UNC13C: variants seen among roughly 807,000 people sequenced by gnomAD.
UNC13C encodes the protein protein unc-13 homolog C.
UNC13C carries 174 observed loss-of-function variants against 245.4 expected under a neutral mutation model. That is an observed-to-expected ratio of 0.71 (90% CI 0.63 to 0.80). The LOEUF is 0.80. Ranked by LOEUF, UNC13C falls within the 30% of genes least tolerant of loss-of-function variation. The pLI, the probability that UNC13C is intolerant of heterozygous loss-of-function variation, is 0.00. For synonymous variants in UNC13C, 992 were observed against 895.1 expected (o/e 1.11, Z -1.93); for missense variants, 2,829 against 2,602.9 (o/e 1.09, Z -1.89).
intron 4 of UNC13C, among the ~76,000 whole-genome samples, chr15:54,172,654 T>G (rs1301735099): frequency 7.1e-6 from 1 of 141,128 alleles, no homozygotes; most frequent in Non-Finnish European, 1.5e-5. Flanking sequence ...TAATTTATGA[T>G]GAAGTCAAAT....
chr15:53,897,284 T>C, the UNC13C span, among the ~76,000 whole-genome samples: 1 of 152,152 alleles, frequency 6.6e-6, no homozygotes, highest in African/African-American at 2.4e-5. Context: ...GAGTCCTCAA[T>C]GGGGTCCAAT....
At position 54,622,418 on chromosome 15, in the gene UNC13C, A is replaced by T. The variant is rs779404459; in HGVS notation, c.6198A>T (p.Lys2066Asn). The T allele has an allele frequency of 2.5e-6, 4 of 1,609,774 alleles. No homozygotes were observed. The South Asian group carries it at 3.3e-5, about 13-fold the overall frequency. ...PGTGDHKVTV[K>N]VIAINDLNWQ... ...CGGGAGATCATAAAGTCACTGTAAA[A>T]GGTATACTTCTGGTCTAGATAAATC... The change falls in exon 31 of 33, where the codon AAA becomes AAT. Residue 2066 changes from lysine to asparagine, a missense_variant and splice_region_variant. Coordinates refer to ENST00000260323, the MANE Select transcript of UNC13C (RefSeq NM_001080534.3).
At chr15:54,225,008 C>G (rs2035335210) in intron 4 of UNC13C, among the ~76,000 whole-genome samples, 2 of 147,596 alleles carry the variant, frequency 1.4e-5, no homozygotes, top group South Asian at 4.3e-4. Context: ...CTTTTCACCT[C>G]TGGTTTTACT....
intron 2 of UNC13C, among the ~76,000 whole-genome samples, chr15:54,064,218 T>C (rs927926807): frequency 6.6e-6 from 1 of 152,238 alleles, no homozygotes; most frequent in African/African-American, 2.4e-5. Flanking sequence ...GTCATATGGC[T>C]ACCTAGTGGC....
chr15:54,436,265 T>C (rs72736505), intron 19 of UNC13C, among the ~76,000 whole-genome samples: 2,179 of 151,998 alleles, frequency 0.014, 20 homozygotes, highest in Non-Finnish European at 0.023. Context: ...GATGGACAAG[T>C]ATTTCCTCTA....
At position 54,495,912 on chromosome 15, in the gene UNC13C, C is replaced by T. The variant is rs574505212; in HGVS notation, c.5060+1178C>T. 1.1e-4 allele frequency among the ~76,000 whole-genome samples: 17 copies of T among 151,822 alleles called. No individual in the cohort carries two copies. The South Asian group carries it at 2.9e-3, about 26-fold the overall frequency. The stretch of plus-strand genomic sequence containing the variant: ...GGACAGTGGGATAACTTAAAAATGC[C>T]GTACTATGGGGTATAGGGTGTTGGG... On this transcript the variant is annotated intron_variant, in intron 20 of 32. Transcript: ENST00000260323.
At chr15:54,346,538 T>G (rs1389037545) in intron 17 of UNC13C, among the ~76,000 whole-genome samples, 1 of 152,228 alleles carries the variant, frequency 6.6e-6, no homozygotes, top group Admixed American at 6.5e-5. Context: ...TATTTAAATG[T>G]GGAATCATAC....
chr15:54,440,886 TG>T (rs1890489861), intron 19 of UNC13C, among the ~76,000 whole-genome samples: 1 of 152,238 alleles, frequency 6.6e-6, no homozygotes, highest in East Asian at 1.9e-4. Context: ...ATTGTGGTTT[TG>T]ATTTGCATTT....
intron 19 of UNC13C, among the ~76,000 whole-genome samples, chr15:54,472,132 C>G (rs1329101165): frequency 1.3e-5 from 2 of 151,524 alleles, no homozygotes; most frequent in Non-Finnish European, 3.0e-5. Context: ...CTATTATAGC[C>G]TTTTTCTTGT....
At chr15:54,410,239 G>A (rs1261231213) in intron 18 of UNC13C, among the ~76,000 whole-genome samples, 6 of 151,938 alleles carry the variant, frequency 3.9e-5, no homozygotes, top group African/African-American at 9.7e-5. Flanking sequence ...GTTTTTGCAC[G>A]TTGACTTAAG....
intron 6 of UNC13C, 197 bp from the exon 7 acceptor site, chr15:54,237,422 G>C (rs2035730606): frequency 1.5e-6 from 1 of 680,146 alleles, no homozygotes. Flanking sequence ...GGTTTGATGA[G>C]TTGTGGGATC....
At chr15:54,079,845 T>C (rs891742602) in intron 2 of UNC13C, among the ~76,000 whole-genome samples, 5 of 152,068 alleles carry the variant, frequency 3.3e-5, no homozygotes, top group Admixed American at 3.3e-4. Context: ...TCCGGTACTA[T>C]GCTGAATAGA....
chr15:54,464,932 C>G (rs575217763), intron 19 of UNC13C, among the ~76,000 whole-genome samples: 1 of 151,496 alleles, frequency 6.6e-6, no homozygotes, highest in East Asian at 1.9e-4. Flanking sequence ...CTAAAATTGT[C>G]ATTCATTGTC....
chr15:54,577,181 A>G (rs1426194415), intron 30 of UNC13C, among the ~76,000 whole-genome samples: 1 of 147,340 alleles, frequency 6.8e-6, no homozygotes, highest in African/African-American at 2.5e-5. Flanking sequence ...GGCATATAAA[A>G]TTAGAAAGAG....
chr15:54,339,195 C>A (rs998809331), intron 17 of UNC13C, among the ~76,000 whole-genome samples: 4 of 152,134 alleles, frequency 2.6e-5, no homozygotes, highest in Admixed American at 2.0e-4. Context: ...AGAAATATTT[C>A]AAAAATACAA....
chr15:54,492,705 A>G (rs912626160), intron 19 of UNC13C, among the ~76,000 whole-genome samples: 2 of 152,168 alleles, frequency 1.3e-5, no homozygotes, highest in South Asian at 4.2e-4. Context: ...TCTGCTATCC[A>G]AAGGAAGAAT....
chr15:54,238,409 T>C (rs752381376), intron 7 of UNC13C, among the ~76,000 whole-genome samples: 1 of 152,114 alleles, frequency 6.6e-6, no homozygotes, highest in Admixed American at 6.6e-5. Flanking sequence ...CATAGGGTCA[T>C]ATGATTACGA....
the UNC13C span, among the ~76,000 whole-genome samples, chr15:53,940,864 A>G: frequency 5.9e-5 from 9 of 152,218 alleles, no homozygotes; most frequent in South Asian, 4.1e-4. Context: ...GAAATAATCA[A>G]TGTCATGAAA....
chr15:53,876,690 G>A, the UNC13C span, among the ~76,000 whole-genome samples: 1 of 151,908 alleles, frequency 6.6e-6, no homozygotes, highest in South Asian at 2.1e-4. Context: ...TTTTCAAAAT[G>A]AGGGCCACAA....
Sources: allele counts gnomAD v4.1 joint callset (sites outside exome capture counted in the v4.1 genomes callset), GRCh38; gene constraint gnomAD v4.1.1; transcripts MANE v1.5; gene names NCBI Gene and HGNC (gene_info 2026-07-23, HGNC 2026-07-21).